Variants in HSF1 observed in about 807,000 individuals in gnomAD.
HSF1 encodes heat shock transcription factor 1.
Under a neutral mutation model 51.7 loss-of-function variants are expected in HSF1, and 32 were observed. The ratio of observed to expected loss-of-function variants is 0.62; its 90% CI spans 0.47 to 0.83. The LOEUF (loss-of-function observed/expected upper bound fraction) is 0.83, where lower values mean the gene tolerates loss of function less well. HSF1 is among the 40% of genes least tolerant of loss of function. The pLI is 0.00. For missense variants in HSF1, 727 were observed against 717.0 expected (o/e 1.01, Z -0.16); for synonymous variants, 396 against 309.7 (o/e 1.28, Z -2.92).
At chr8:144,304,761 C>G (rs1025196562) in intron 1 of HSF1, among the ~76,000 whole-genome samples, 6 of 152,146 alleles carry the variant, frequency 3.9e-5, no homozygotes, top group African/African-American at 7.2e-5. Flanking sequence ...GTTCTTCTGC[C>G]TCAGCCTCCC....
chr8:144,302,773 G>C (rs1420259136), intron 1 of HSF1, among the ~76,000 whole-genome samples: 1 of 151,908 alleles, frequency 6.6e-6, no homozygotes, highest in Non-Finnish European at 1.5e-5. Context: ...AGTGAGCCCA[G>C]ATCGCGCCAC....
At chr8:144,295,506 T>G (rs577523039) in intron 1 of HSF1, among the ~76,000 whole-genome samples, 1 of 152,376 alleles carries the variant, frequency 6.6e-6, no homozygotes, top group African/African-American at 2.4e-5. Flanking sequence ...GACGGAGGCC[T>G]CAGGATCAGG....
chr8:144,313,241 GC>G (rs1816806520), intron 9 of HSF1: 2 of 488,900 alleles, frequency 4.1e-6, no homozygotes, highest in Admixed American at 7.3e-5. Context: ...AGCTGAATAC[GC>G]CCCTTGTCTC....
chr8:144,314,084 G>GGCCCCCCC, intron 12 of HSF1, 30 bp downstream of exon 12: 1 of 1,329,858 alleles, frequency 7.5e-7, no homozygotes. Flanking sequence ...CCCCACCTCT[G>GGCCCCCCC]CCCCCAACCC....
rs139699285 is a variant in HSF1 at position 144,297,482 on chromosome 8, A to G, written c.117+5608A>G. Among the ~76,000 whole-genome samples, 1,441 of 152,252 alleles carry G rather than the reference A, an allele frequency of 9.5e-3. 36 individuals carry two copies. The highest frequency in any genetic ancestry group is 0.033 in the African/African-American group (1,390 of 41,510). On this transcript the variant is annotated intron_variant, in intron 1 of 12. Coordinates refer to ENST00000528838, the MANE Select transcript of HSF1 (RefSeq NM_005526.4). This position sits in a 1 kb window ranked among gnomAD's most constrained non-coding sequence, Gnocchi z 4.6. ...TGGAAGCTCCTCCAGAGCGGAAACAAGAAGAGTGTTTATGAGAAAGGTGCG... is the reference window on the plus strand; with the variant it reads ...TGGAAGCTCCTCCAGAGCGGAAACAGGAAGAGTGTTTATGAGAAAGGTGCG...
intron 1 of HSF1, among the ~76,000 whole-genome samples, chr8:144,294,489 A>T (rs1588621934): frequency 1.3e-5 from 2 of 152,288 alleles, no homozygotes; most frequent in East Asian, 3.9e-4. Flanking sequence ...TCCCTATTTG[A>T]CACAAGAAGA....
chr8:144,300,439 A>G lies in HSF1; in HGVS notation c.118-8467A>G, dbSNP rs193295184. On this transcript the variant is annotated intron_variant, in intron 1 of 12. Transcript: ENST00000528838. ...TCACCGTGTTAGCCAGGATGGTCTC[A>G]ATCTCCTGACCTCGTGATCCGCCCA... Among the ~76,000 whole-genome samples, 118 of 152,012 alleles carry G rather than the reference A, an allele frequency of 7.8e-4. No homozygotes were observed. In the East Asian group the frequency reaches 0.014, roughly 17 times the overall value.
At position 144,291,799 on chromosome 8, in the gene HSF1, C is replaced by T. The variant is rs1231344911; in HGVS notation, c.42C>T (p.Asn14=). Reference sequence around the variant, plus strand: ...GCCCCGGCGCGGCGGGGCCCAGCAACGTCCCGGCCTTCCTGACCAAGCTGT... The same window carrying T: ...GCCCCGGCGCGGCGGGGCCCAGCAATGTCCCGGCCTTCCTGACCAAGCTGT... The part of the protein sequence containing the change: ...PVGPGAAGPS[N]VPAFLTKLWT... The change falls in exon 1 of 13, where the codon AAC becomes AAT. Residue 14 remains asparagine, a synonymous_variant. Coordinates refer to ENST00000528838, the MANE Select transcript of HSF1 (RefSeq NM_005526.4). The surrounding 1 kb of genome is among the most constrained non-coding windows in gnomAD (Gnocchi z 4.1). The T allele has an allele frequency of 2.6e-6, 4 of 1,548,988 alleles. No homozygotes were observed. In the South Asian group the frequency reaches 4.7e-5, roughly 18 times the overall value.
At position 144,313,873 on chromosome 8, in the gene HSF1, G is replaced by C. The variant is rs2130484776; in HGVS notation, c.1276G>C (p.Asp426His). The C allele has an allele frequency of 6.2e-7, 1 of 1,601,080 alleles. No individual in the cohort carries two copies. The highest frequency in any genetic ancestry group is 8.5e-7 in the Non-Finnish European group (1 of 1,176,990). ...GTTCAGCCCCTCGGTGACCGTGCCC[G>C]ACATGAGCCTGCCTGACCTTGACAG... ...DLFSPSVTVP[D>H]MSLPDLDSSL... Residue 426 changes from aspartate (D) to histidine (H), a missense_variant, in exon 11 of 13, where the codon GAC (aspartate) becomes CAC (histidine). Coordinates refer to ENST00000528838, the MANE Select transcript of HSF1 (RefSeq NM_005526.4).
In HSF1 at chr8:144,311,682, T is replaced by A. The variant is rs781873655; in HGVS notation, c.724-18T>A. On this transcript the variant is annotated intron_variant, in intron 7 of 12. Coordinates refer to ENST00000528838, the MANE Select transcript of HSF1 (RefSeq NM_005526.4). ...TGCCCCTGCCGGCACTGCATGGACC[T>A]CCTGCCTTTGATTGCAGGCCCCCTC... 23 of 1,609,364 alleles carry A rather than the reference T, an allele frequency of 1.4e-5. No individual in the cohort carries two copies. Among genetic ancestry groups the A allele is most frequent in the Non-Finnish European group, 1.8e-5 (21 of 1,177,890 alleles).
chr8:144,312,254 G>A lies in HSF1; in HGVS notation c.1142+10G>A, dbSNP rs896780326. On this transcript the variant is annotated intron_variant, in intron 9 of 12. Coordinates refer to ENST00000528838, the MANE Select transcript of HSF1 (RefSeq NM_005526.4). ...TAGCCTGCCTGGACAAGTGAGTGCCGCCCACCCCTGGCCCCACCCACAGCG... is the reference window on the plus strand; with the variant it reads ...TAGCCTGCCTGGACAAGTGAGTGCCACCCACCCCTGGCCCCACCCACAGCG... 5.1e-5 allele frequency: 78 copies of A among 1,536,710 alleles called. No individual in the cohort carries two copies. In the East Asian group the frequency reaches 5.7e-4, roughly 11 times the overall value.
chr8:144,313,118 C>A, intron 9 of HSF1: 1 of 387,328 alleles, frequency 2.6e-6, no homozygotes. Flanking sequence ...CCCACAGCAG[C>A]ACCAGGGCAG....
At chr8:144,303,931 G>A (rs1816055239) in intron 1 of HSF1, among the ~76,000 whole-genome samples, 1 of 152,218 alleles carries the variant, frequency 6.6e-6, no homozygotes, top group East Asian at 1.9e-4. Context: ...TGGGAGCTGT[G>A]GGGAGGGTGA....
In HSF1 at chr8:144,311,234, G is replaced by GA; in HGVS notation, c.552dup (p.Val185SerfsTer42). ...TTCGGCAGAAGCATGCCCAGCAACA[G>GA]AAAGTCGTCAACAAGGTGGGGGCAG... On this transcript the variant is annotated frameshift_variant, in exon 5 of 13. Coordinates refer to ENST00000528838, the MANE Select transcript of HSF1 (RefSeq NM_005526.4). LOFTEE classifies it high-confidence loss of function. The GA allele has an allele frequency of 6.2e-7, 1 of 1,612,942 alleles. No homozygotes were observed. The highest frequency in any genetic ancestry group is 8.5e-7 in the Non-Finnish European group (1 of 1,179,830).
At chr8:144,292,175 C>T (rs1230743025) in intron 1 of HSF1, among the ~76,000 whole-genome samples, 1 of 152,234 alleles carries the variant, frequency 6.6e-6, no homozygotes, top group Non-Finnish European at 1.5e-5. Flanking sequence ...TGGGCGGTTG[C>T]GGAAGTGTCC....
In HSF1 at chr8:144,297,490, G is replaced by A. The variant is rs1251647234; in HGVS notation, c.117+5616G>A. Among the ~76,000 whole-genome samples, 1 of 152,218 alleles carries A rather than the reference G, an allele frequency of 6.6e-6. No homozygotes were observed. The highest frequency in any genetic ancestry group is 1.5e-5 in the Non-Finnish European group (1 of 68,040). On this transcript the variant is annotated intron_variant, in intron 1 of 12. Coordinates refer to ENST00000528838, the MANE Select transcript of HSF1 (RefSeq NM_005526.4). This position sits in a 1 kb window ranked among gnomAD's most constrained non-coding sequence, Gnocchi z 4.6. ...CCTCCAGAGCGGAAACAAGAAGAGTGTTTATGAGAAAGGTGCGGGTGGCTC... is the reference window on the plus strand; with the variant it reads ...CCTCCAGAGCGGAAACAAGAAGAGTATTTATGAGAAAGGTGCGGGTGGCTC...
At chr8:144,314,090 A>G in intron 12 of HSF1, 35 bp from the exon 13 acceptor site, 1 of 429,018 alleles carries the variant, frequency 2.3e-6, no homozygotes, top group Non-Finnish European at 3.5e-6. Context: ...CTCTGCCCCC[A>G]ACCCCCCACC....
In HSF1 at chr8:144,314,259, G is replaced by A. The variant is rs1554846178; in HGVS notation, c.1519G>A (p.Ala507Thr). 3.2e-6 allele frequency: 5 copies of A among 1,550,632 alleles called. No homozygotes were observed. Among genetic ancestry groups the A allele is most frequent in the East Asian group, 2.4e-5 (1 of 41,002 alleles). ...GSYFSEGDGF[A>T]EDPTISLLTG... Reference sequence around the variant, plus strand: ...CTACTTCTCCGAAGGGGACGGCTTCGCCGAGGACCCCACCATCTCCCTGCT... The same window carrying A: ...CTACTTCTCCGAAGGGGACGGCTTCACCGAGGACCCCACCATCTCCCTGCT... Residue 507 changes from alanine (A) to threonine (T), a missense_variant, in exon 13 of 13, where the codon GCC (alanine) becomes ACC (threonine). Ala to Thr is a moderately conservative substitution (Grantham distance 58). Around this residue, in one of 2 missense-constraint regions of HSF1, gnomAD observed 470 missense variants for 398.8 expected, o/e 1.18. Coordinates refer to ENST00000528838, the MANE Select transcript of HSF1 (RefSeq NM_005526.4).
chr8:144,311,268 G>A lies in HSF1; in HGVS notation c.564+19G>A, dbSNP rs781904778. On this transcript the variant is annotated intron_variant, in intron 5 of 12. Coordinates refer to ENST00000528838, the MANE Select transcript of HSF1 (RefSeq NM_005526.4). ...CAACAAGGTGGGGGCAGGGCCAGAG[G>A]GCCGGCGGGGGCCCCACAAGGGCCG... 1.2e-6 allele frequency: 2 copies of A among 1,608,708 alleles called. No homozygotes were observed. The highest frequency in any genetic ancestry group is 8.5e-7 in the Non-Finnish European group (1 of 1,178,796).
Sources: allele counts gnomAD v4.1 joint callset (sites outside exome capture counted in the v4.1 genomes callset), GRCh38; gene constraint gnomAD v4.1.1; regional missense constraint gnomAD v4.1.1; non-coding constraint Gnocchi (gnomAD v3.1); transcripts MANE v1.5; gene names NCBI Gene and HGNC (gene_info 2026-07-23, HGNC 2026-07-21).